USH2A: variants seen among roughly 807,000 people sequenced by gnomAD.
USH2A encodes Usher syndrome 2A (autosomal recessive, mild).
USH2A carries 443 observed loss-of-function variants against 538.9 expected under a neutral mutation model. The ratio of observed to expected loss-of-function variants is 0.82; its 90% CI spans 0.76 to 0.89. USH2A has a LOEUF of 0.89. Among genes scored for constraint, USH2A ranks in the 40% least tolerant of loss-of-function variants. The pLI is 0.00. For synonymous variants in USH2A, 2,413 were observed against 2,273.5 expected (o/e 1.06, Z -1.75); for missense variants, 6,633 against 6,324.8 (o/e 1.05, Z -1.65).
rs768245825 is a variant in USH2A, at chr1:215,628,975, T to G, written c.15358A>C (p.Ser5120Arg). ...CTCGGGATGCGCAGGACACATGCAC[T>G]CCGGTTGCTGCGGATACTCACAGGT... Reference protein sequence around the residue: ...GTPVSIRSNRSACVLRIPSQN... With the variant: ...GTPVSIRSNRRACVLRIPSQN... The change falls in exon 71 of 72, where the codon AGT becomes CGT. Residue 5120 changes from serine to arginine, a missense_variant. Physicochemically the swap from Ser to Arg is moderately radical, Grantham distance 110. Transcript: ENST00000307340. The G allele has an allele frequency of 6.2e-7, 1 of 1,614,004 alleles. No homozygotes were observed. The highest frequency in any genetic ancestry group is 1.1e-5 in the South Asian group (1 of 91,062).
At chr1:216,242,018 C>T (rs2035947904) in intron 13 of USH2A, among the ~76,000 whole-genome samples, 2 of 152,002 alleles carry the variant, frequency 1.3e-5, no homozygotes, top group South Asian at 4.1e-4. Context: ...GTGCAAATGT[C>T]TTATTTCCCT....
chr1:215,855,669 C>A (rs778312669), intron 44 of USH2A, among the ~76,000 whole-genome samples: 1 of 152,036 alleles, frequency 6.6e-6, no homozygotes, highest in Non-Finnish European at 1.5e-5. Context: ...TCATTCTTCA[C>A]AGAACTTGAA....
chr1:215,932,628 A>G (rs1305100641), intron 38 of USH2A, among the ~76,000 whole-genome samples: 1 of 152,092 alleles, frequency 6.6e-6, no homozygotes, highest in Admixed American at 6.6e-5. Flanking sequence ...AATAAACTTT[A>G]GCGAATCACT....
chr1:216,205,922 AT>A (rs1158776148), intron 16 of USH2A, among the ~76,000 whole-genome samples: 7 of 152,330 alleles, frequency 4.6e-5, no homozygotes, highest in African/African-American at 1.4e-4. Flanking sequence ...ATGAATTCTA[AT>A]AATTTGATTT....
chr1:215,643,820 G>T (rs780309472), intron 67 of USH2A, among the ~76,000 whole-genome samples: 2 of 152,118 alleles, frequency 1.3e-5, no homozygotes, highest in African/African-American at 4.8e-5. Flanking sequence ...GTGAGCCAGT[G>T]TGCCTGGCCA....
intron 35 of USH2A, among the ~76,000 whole-genome samples, chr1:215,991,063 T>C (rs1667993106): frequency 1.3e-5 from 2 of 152,106 alleles, no homozygotes; most frequent in African/African-American, 4.8e-5. Context: ...GCCCAGCCTG[T>C]TAATCTCAAT....
At chr1:215,887,100 G>T (rs1347634310) in intron 41 of USH2A, among the ~76,000 whole-genome samples, 1 of 152,100 alleles carries the variant, frequency 6.6e-6, no homozygotes, top group Non-Finnish European at 1.5e-5. Context: ...CTCATGATCT[G>T]CCTGCCTCGG....
chr1:216,120,921 G>C (rs2033125185), intron 21 of USH2A, among the ~76,000 whole-genome samples: 1 of 150,644 alleles, frequency 6.6e-6, no homozygotes, highest in African/African-American at 2.4e-5. Context: ...GCAAGAACAA[G>C]CAAAACTTAT....
chr1:216,188,892 A>G (rs1444183017), intron 20 of USH2A, among the ~76,000 whole-genome samples: 1 of 151,764 alleles, frequency 6.6e-6, no homozygotes, highest in East Asian at 1.9e-4. Context: ...CGTTGTCTCC[A>G]TTTTTACTTT....
intron 9 of USH2A, among the ~76,000 whole-genome samples, chr1:216,301,443 T>C (rs1314068399): frequency 3.3e-5 from 5 of 152,186 alleles, no homozygotes; most frequent in Non-Finnish European, 7.3e-5. Flanking sequence ...TATATCTGGA[T>C]GTTTTCCTTC....
intron 58 of USH2A, among the ~76,000 whole-genome samples, chr1:215,743,735 G>A (rs559667879): frequency 4.0e-5 from 6 of 150,076 alleles, no homozygotes; most frequent in Non-Finnish European, 8.9e-5. Context: ...CAGGAGAATC[G>A]CTTGAACCCG....
chr1:216,238,902 A>G (rs111994783), intron 13 of USH2A, among the ~76,000 whole-genome samples: 482 of 152,226 alleles, frequency 3.2e-3, no homozygotes, highest in African/African-American at 0.011. Context: ...ACACACCAGC[A>G]TGCTGTCTGC....
intron 37 of USH2A, among the ~76,000 whole-genome samples, chr1:215,939,958 C>T (rs1213940076): frequency 1.3e-5 from 2 of 152,082 alleles, no homozygotes; most frequent in African/African-American, 2.4e-5. Context: ...ACACACAATA[C>T]TGTATGCCAG....
intron 50 of USH2A, among the ~76,000 whole-genome samples, chr1:215,798,295 C>T (rs979086726): frequency 1.3e-5 from 2 of 152,132 alleles, no homozygotes; most frequent in Non-Finnish European, 2.9e-5. Flanking sequence ...TTAAAAGCCC[C>T]ACCTCCAATA....
intron 11 of USH2A, among the ~76,000 whole-genome samples, chr1:216,265,838 C>T (rs2036461642): frequency 6.6e-6 from 1 of 151,946 alleles, no homozygotes; most frequent in Non-Finnish European, 1.5e-5. Flanking sequence ...TATGTGGAAG[C>T]TAAACCAGTT....
intron 4 of USH2A, among the ~76,000 whole-genome samples, chr1:216,341,106 A>T (rs935644179): frequency 1.3e-5 from 2 of 152,122 alleles, no homozygotes; most frequent in Admixed American, 6.6e-5. Context: ...CCATTGTTTC[A>T]GCCCCAAAAT....
chr1:215,674,001 A>C, intron 63 of USH2A, 99 bp downstream of exon 63: 2 of 1,603,586 alleles, frequency 1.2e-6, no homozygotes, highest in South Asian at 1.1e-5. Flanking sequence ...GACACCTTGC[A>C]TCCCATTTTT....
chr1:215,737,310 G>T (rs1195890916), intron 60 of USH2A, among the ~76,000 whole-genome samples: 1 of 151,862 alleles, frequency 6.6e-6, no homozygotes, highest in Non-Finnish European at 1.5e-5. Flanking sequence ...TATGCCATGA[G>T]TAAATCATAA....
intron 14 of USH2A, among the ~76,000 whole-genome samples, chr1:216,218,357 G>A (rs1312516684): frequency 6.6e-6 from 1 of 152,048 alleles, no homozygotes; most frequent in Non-Finnish European, 1.5e-5. Context: ...TATGCCAATG[G>A]CACTAATTAG....
Sources: gnomAD v4.1 joint callset for allele counts (sites outside exome capture counted in the v4.1 genomes callset) on GRCh38, gnomAD v4.1.1 for gene constraint, MANE v1.5 for transcripts, NCBI Gene and HGNC (gene_info 2026-07-23, HGNC 2026-07-21) for gene names.